HMCN1: variants seen among roughly 807,000 people sequenced by gnomAD.
HMCN1 encodes the protein hemicentin-1.
In HMCN1, 321 loss-of-function variants were observed where a neutral mutation model predicts 625.9. The observed-to-expected ratio is 0.51, with a 90% confidence interval of 0.47 to 0.56. The LOEUF is 0.56. Among genes scored for constraint, HMCN1 ranks in the 20% least tolerant of loss-of-function variants. The pLI, the probability that HMCN1 is intolerant of heterozygous loss-of-function variation, is 0.00. For missense variants in HMCN1, 6,588 were observed against 6,887.3 expected, an observed-to-expected ratio of 0.96 and a Z score of 1.54; for synonymous variants, 2,425 against 2,417.6, an observed-to-expected ratio of 1.00 and a Z score of -0.09.
Position 186,120,106 on chromosome 1 carries a change from G to C in HMCN1, c.12190G>C (p.Ala4064Pro). 1 of 1,613,948 alleles carries C rather than the reference G, an allele frequency of 6.2e-7. No individual in the cohort carries two copies. The highest frequency in any genetic ancestry group is 8.5e-7 in the Non-Finnish European group (1 of 1,179,936). The change falls in exon 80 of 107, where the codon GCT (alanine) becomes CCT (proline). Residue 4064 changes from alanine to proline, a missense_variant. Physicochemically the swap from Ala to Pro is conservative, Grantham distance 27. Around this residue, in one of 3 missense-constraint regions of HMCN1, gnomAD observed 1,954 missense variants for 2,013.1 expected, o/e 0.97. Transcript: ENST00000271588. ...TTACATGTGTGTGGCCCAGAACCCG[G>C]CTGGTACAGCCTTGGGCAAAATCAA... is the stretch of plus-strand genomic sequence containing the variant. Reference protein sequence around the residue: ...GTYMCVAQNPAGTALGKIKLN... With the variant: ...GTYMCVAQNPPGTALGKIKLN...
chr1:185,776,416 T>A (rs1391902865), intron 1 of HMCN1, among the ~76,000 whole-genome samples: 1 of 151,044 alleles, frequency 6.6e-6, no homozygotes, highest in East Asian at 1.9e-4. Flanking sequence ...TGATTAACTT[T>A]AAGTATTAAC....
At position 186,093,736 on chromosome 1, in the gene HMCN1, T is replaced by C. The variant is rs7540698; in HGVS notation, c.10196+67T>C. The C allele has an allele frequency of 4.2e-3, 6,716 of 1,597,550 alleles. 147 individuals are homozygous for C. Among genetic ancestry groups the C allele is most frequent in the African/African-American group, 0.039 (2,891 of 74,614 alleles). On this transcript the variant is annotated intron_variant, in intron 66 of 106. Transcript: ENST00000271588. ...ACTGTGATTGTAGACTTTTCCTTCA[T>C]TTAAACAGTGTTGAAGAAATGTTTT...
chr1:186,149,392 G>T (rs1393640171), intron 93 of HMCN1, among the ~76,000 whole-genome samples: 3 of 152,128 alleles, frequency 2.0e-5, no homozygotes, highest in African/African-American at 7.2e-5. Context: ...AATGGCTTCT[G>T]TCCTTGAGCC....
At chr1:185,753,833 T>G (rs1654966169) in intron 1 of HMCN1, among the ~76,000 whole-genome samples, 1 of 152,176 alleles carries the variant, frequency 6.6e-6, no homozygotes, top group Non-Finnish European at 1.5e-5. Flanking sequence ...GGAATGTAAA[T>G]TAGTATAACC....
intron 53 of HMCN1, 107 bp from the exon 54 acceptor site, chr1:186,076,321 C>T (rs1658810833): frequency 9.9e-6 from 11 of 1,113,140 alleles, no homozygotes; most frequent in Non-Finnish European, 1.5e-5. Flanking sequence ...AAATTATTTC[C>T]ACATTGTCTA....
intron 86 of HMCN1, among the ~76,000 whole-genome samples, chr1:186,133,419 A>C (rs1662051676): frequency 6.6e-6 from 1 of 152,192 alleles, no homozygotes; most frequent in African/African-American, 2.4e-5. Flanking sequence ...TCTCATGCTC[A>C]TCAGGAAGCC....
chr1:185,997,341 C>G, intron 24 of HMCN1, 88 bp from the exon 25 acceptor site: 1 of 804,352 alleles, frequency 1.2e-6, no homozygotes, highest in Non-Finnish European at 2.2e-6. Flanking sequence ...GAGATAGCAA[C>G]TCATCAGTGC....
rs1660471489 is a variant in HMCN1, at chr1:186,103,396, G to A, written c.10574-76G>A. ...ATCATGTGAATGTGAATTTGTGTTGGATTTTCAAGTTTTTCTAACGAGCAA... is the reference window on the plus strand; with the variant it reads ...ATCATGTGAATGTGAATTTGTGTTGAATTTTCAAGTTTTTCTAACGAGCAA... On this transcript the variant is annotated intron_variant, in intron 68 of 106. Coordinates refer to ENST00000271588, the MANE Select transcript of HMCN1 (RefSeq NM_031935.3). 4.1e-6 allele frequency: 5 copies of A among 1,216,334 alleles called. No individual in the cohort carries two copies. In the African/African-American group the frequency reaches 6.0e-5, roughly 15 times the overall value. The allele number at this position is 1,216,334 out of a possible 1,614,324, so 75.3% of individuals were successfully genotyped here. A position where few individuals can be genotyped will look rare whatever the true frequency, so the allele number is the denominator to read the frequency against.
chr1:186,182,865 A>G (rs1395701787), intron 105 of HMCN1, among the ~76,000 whole-genome samples: 22 of 152,214 alleles, frequency 1.4e-4, no homozygotes, highest in Admixed American at 1.4e-3. Flanking sequence ...AAAACAAACA[A>G]AATATAGCTC....
chr1:186,095,620 A>T (rs997534037), intron 68 of HMCN1, 99 bp downstream of exon 68: 1 of 1,311,952 alleles, frequency 7.6e-7, no homozygotes, highest in Non-Finnish European at 1.0e-6. Flanking sequence ...GCTGTGAGAG[A>T]ATTTTTTAAA....
At chr1:186,032,469 G>C (rs967511877) in intron 36 of HMCN1, among the ~76,000 whole-genome samples, 1 of 152,064 alleles carries the variant, frequency 6.6e-6, no homozygotes, top group East Asian at 1.9e-4. Context: ...GGAGGGACCC[G>C]ATGGGAGGTA....
rs191557299 is a variant in HMCN1, at chr1:186,108,515, A to G, written c.10907A>G (p.Asn3636Ser). The G allele has an allele frequency of 1.7e-5, 28 of 1,614,182 alleles. No homozygotes were observed. The East Asian group carries it at 3.1e-4, about 18-fold the overall frequency. Residue 3636 changes from asparagine (N) to serine (S), a missense_variant, in exon 71 of 107, where the codon AAC (asparagine) becomes AGC (serine). Transcript: ENST00000271588. The stretch of plus-strand genomic sequence containing the variant: ...CCCCGGGATATCACTGTGTTACGGA[A>G]CAGACAAGTGACATTGGAATGCAAG... Reference protein sequence around the residue: ...DEPRDITVLRNRQVTLECKSD... With the variant: ...DEPRDITVLRSRQVTLECKSD...
intron 96 of HMCN1, 145 bp from the exon 97 acceptor site, chr1:186,153,605 A>T (rs1650804595): frequency 2.7e-6 from 2 of 730,278 alleles, no homozygotes; most frequent in African/African-American, 3.5e-5. Context: ...AAGTTAACAC[A>T]TATTAAATGT....
At chr1:186,068,591 G>T (rs1658276746) in intron 50 of HMCN1, among the ~76,000 whole-genome samples, 1 of 152,086 alleles carries the variant, frequency 6.6e-6, no homozygotes, top group African/African-American at 2.4e-5. Flanking sequence ...GAAGAAGCTG[G>T]GTGCGGTGGC....
At chr1:185,779,688 T>C (rs151045920) in intron 1 of HMCN1, among the ~76,000 whole-genome samples, 4 of 152,226 alleles carry the variant, frequency 2.6e-5, no homozygotes, top group African/African-American at 9.6e-5. Context: ...AGAGCTCTGT[T>C]CTGTTCCATT....
chr1:186,147,280 C>A (rs951655838), intron 93 of HMCN1, among the ~76,000 whole-genome samples: 75 of 152,106 alleles, frequency 4.9e-4, no homozygotes, highest in African/African-American at 1.7e-3. Context: ...CCTTCTCAAA[C>A]TTCCCTAAAT....
chr1:185,878,022 A>C (rs1664066806), intron 4 of HMCN1, among the ~76,000 whole-genome samples: 1 of 152,132 alleles, frequency 6.6e-6, no homozygotes, highest in Admixed American at 6.5e-5. Context: ...GTTGTAAATG[A>C]GATTGCATTC....
At chr1:186,111,208 C>G (rs866380969) in intron 71 of HMCN1, among the ~76,000 whole-genome samples, 1 of 151,568 alleles carries the variant, frequency 6.6e-6, no homozygotes, top group African/African-American at 2.4e-5. Flanking sequence ...GTCTCGATCT[C>G]CTGACCTCGT....
Position 186,104,419 on chromosome 1 carries a change from A to G in HMCN1, c.10770+751A>G, listed in dbSNP as rs117145309. Among the ~76,000 whole-genome samples, 1,270 of 152,308 alleles carry G rather than the reference A, an allele frequency of 8.3e-3. 22 individuals are homozygous for G. The highest frequency in any genetic ancestry group is 0.042 in the South Asian group (205 of 4,830). On this transcript the variant is annotated intron_variant, in intron 69 of 106. Transcript: ENST00000271588. Reference sequence around the variant, plus strand: ...GATTGTTCCTGCTGTTGCTGTTGTTACCATAATCATCATTCCTCTGAATGT... The same window carrying G: ...GATTGTTCCTGCTGTTGCTGTTGTTGCCATAATCATCATTCCTCTGAATGT...
Sources: gnomAD v4.1 joint callset for allele counts (sites outside exome capture counted in the v4.1 genomes callset) on GRCh38, gnomAD v4.1.1 for gene constraint, gnomAD v4.1.1 regional missense constraint, MANE v1.5 for transcripts, NCBI Gene and HGNC (gene_info 2026-07-23, HGNC 2026-07-21) for gene names.